Variants in NAV3 observed in about 807,000 individuals in gnomAD.
NAV3 encodes the protein neuron navigator 3, also known as pore membrane and/or filament interacting like protein 1.
Under a neutral mutation model 244.7 loss-of-function variants are expected in NAV3, and 87 were observed. The observed-to-expected ratio is 0.36, with a 90% CI of 0.30 to 0.42. NAV3 has a LOEUF of 0.42. NAV3 is among the 20% of genes least tolerant of loss of function. NAV3 has a pLI of 1.00. For synonymous variants in NAV3, 1,126 were observed against 1,042.2 expected, an observed-to-expected ratio of 1.08 and a Z score of -1.55; for missense variants, 2,663 against 2,893.3, an observed-to-expected ratio of 0.92 and a Z score of 1.83.
At position 78,050,886 on chromosome 12, in the gene NAV3, A is replaced by G. The variant is rs2137250491; in HGVS notation, c.2255A>G (p.Gln752Arg). ...WRLGQACPRLQAGDAPSLGAG... is the reference protein window; with the variant it reads ...WRLGQACPRLRAGDAPSLGAG... ...TTGGGCCAGGCATGTCCGCGACTTC[A>G]GGCGGGAGATGCTCCCTCCCTGGGT... The change falls in exon 11 of 40, where the codon CAG (glutamine) becomes CGG (arginine). Residue 752 changes from glutamine (Q) to arginine (R), a missense_variant. By Grantham distance (43) the Gln-to-Arg change is conservative (BLOSUM62 1). This residue lies in a region of NAV3 where 1,521 missense variants were observed against 1,497.0 expected (regional missense o/e 1.02). Coordinates refer to ENST00000397909, the MANE Select transcript of NAV3 (RefSeq NM_001024383.2). 1.2e-6 allele frequency: 2 copies of G among 1,614,132 alleles called. No individual in the cohort carries two copies. Among genetic ancestry groups the G allele is most frequent in the South Asian group, 1.1e-5 (1 of 91,066 alleles).
At chr12:77,618,503 C>A (rs936072626) in intron 2 of NAV3, among the ~76,000 whole-genome samples, 5 of 151,962 alleles carry the variant, frequency 3.3e-5, no homozygotes, top group African/African-American at 9.7e-5. Flanking sequence ...TTAGTTGATA[C>A]TATTGTTAGT....
Position 78,180,923 on chromosome 12 carries a change from G to A in NAV3, c.5570G>A (p.Gly1857Asp), listed in dbSNP as rs754266815. ...AENDRLKAET[G>D]NTAKPTRPPS... The stretch of plus-strand genomic sequence containing the variant: ...AATGACCGGTTGAAGGCAGAAACTG[G>A]TAACACAGCTAAGCCTACTCGGCCA... Residue 1857 changes from glycine to aspartate, a missense_variant, in exon 30 of 40, where the codon GGT becomes GAT. Around this residue, in one of 6 missense-constraint regions of NAV3, gnomAD observed 543 missense variants for 672.4 expected, o/e 0.81. Transcript: ENST00000397909. The A allele has an allele frequency of 6.2e-7, 1 of 1,612,964 alleles. No homozygotes were observed. The highest frequency in any genetic ancestry group is 8.5e-7 in the Non-Finnish European group (1 of 1,179,404).
intron 28 of NAV3, among the ~76,000 whole-genome samples, chr12:78,178,531 A>G (rs1958356336): frequency 6.6e-6 from 1 of 152,082 alleles, no homozygotes; most frequent in East Asian, 1.9e-4. Flanking sequence ...AAAATTGTGG[A>G]TAAACTATAA....
intron 1 of NAV3, among the ~76,000 whole-genome samples, chr12:77,919,943 G>T (rs1280623631): frequency 6.6e-6 from 1 of 151,980 alleles, no homozygotes; most frequent in African/African-American, 2.4e-5. Flanking sequence ...TTCTCCAGAA[G>T]ACTGAATTAT....
chr12:78,008,675 TGTAA>T (rs1186298395), intron 8 of NAV3, among the ~76,000 whole-genome samples: 1 of 145,796 alleles, frequency 6.9e-6, no homozygotes, highest in Non-Finnish European at 1.5e-5. Flanking sequence ...CAATGAGGAA[TGTAA>T]GTGCTTTTTT....
intron 2 of NAV3, among the ~76,000 whole-genome samples, chr12:77,807,739 G>T (rs1872058687): frequency 6.6e-6 from 1 of 152,114 alleles, no homozygotes; most frequent in Non-Finnish European, 1.5e-5. Context: ...GCTAGGTTGG[G>T]GAAGTTCTCC....
chr12:77,653,982 G>A (rs898114558), intron 2 of NAV3, among the ~76,000 whole-genome samples: 5 of 152,144 alleles, frequency 3.3e-5, no homozygotes, highest in African/African-American at 1.2e-4. Context: ...GAGCCAAGAT[G>A]GCCGGATAGG....
chr12:77,926,613 G>T (rs1888250047), intron 1 of NAV3, among the ~76,000 whole-genome samples: 1 of 152,158 alleles, frequency 6.6e-6, no homozygotes, highest in Non-Finnish European at 1.5e-5. Context: ...CTTGTAATTT[G>T]TGAACAGCAT....
At chr12:77,801,086 C>T (rs1205753118) in intron 2 of NAV3, among the ~76,000 whole-genome samples, 3 of 151,926 alleles carry the variant, frequency 2.0e-5, no homozygotes. Flanking sequence ...CCAGATAGAC[C>T]TCAGGTACAA....
At chr12:77,902,813 A>G (rs2136940602) in intron 1 of NAV3, among the ~76,000 whole-genome samples, 2 of 152,344 alleles carry the variant, frequency 1.3e-5, no homozygotes, top group South Asian at 4.1e-4. Context: ...TACAAAATCA[A>G]TGTGCAAAAA....
In NAV3 at chr12:77,755,769, T is replaced by G. The variant is rs141048511; in HGVS notation, c.72+183503T>G. On this transcript the variant is annotated intron_variant, in intron 2 of 8. Transcript: ENST00000550042. ...TCTTTTCTTCGTCAGGGTCTTGCCTTGTCACTCAGGGTGGAGTGCAGTGGC... is the reference window on the plus strand; with the variant it reads ...TCTTTTCTTCGTCAGGGTCTTGCCTGGTCACTCAGGGTGGAGTGCAGTGGC... 7.0e-3 allele frequency among the ~76,000 whole-genome samples: 1,067 copies of G among 151,426 alleles called. 8 individuals carry two copies. Among genetic ancestry groups the G allele is most frequent in the Middle Eastern group, 0.044 (13 of 294 alleles).
intron 2 of NAV3, among the ~76,000 whole-genome samples, chr12:77,671,752 A>C (rs1157414600): frequency 1.3e-5 from 2 of 152,144 alleles, no homozygotes; most frequent in Admixed American, 1.3e-4. Context: ...CTTATACAAA[A>C]ATTGACTCAA....
At chr12:78,013,751 T>C (rs1875704293) in intron 8 of NAV3, among the ~76,000 whole-genome samples, 1 of 152,112 alleles carries the variant, frequency 6.6e-6, no homozygotes, top group African/African-American at 2.4e-5. Flanking sequence ...CAGAGTAGGA[T>C]GAACCAGGTT....
At chr12:77,866,722 C>A (rs899790176) in intron 1 of NAV3, among the ~76,000 whole-genome samples, 19 of 152,048 alleles carry the variant, frequency 1.2e-4, no homozygotes, top group African/African-American at 4.6e-4. Flanking sequence ...GTATATTGTT[C>A]TTGTATAACT....
chr12:78,195,514 C>G (rs1459178453), intron 34 of NAV3, among the ~76,000 whole-genome samples: 1 of 152,012 alleles, frequency 6.6e-6, no homozygotes, highest in African/African-American at 2.4e-5. Flanking sequence ...TGCTCACCAG[C>G]TTCTCTGCTT....
chr12:78,185,732 C>T (rs1420031879), intron 31 of NAV3, 34 bp downstream of exon 31: 1 of 1,536,182 alleles, frequency 6.5e-7, no homozygotes, highest in Non-Finnish European at 9.0e-7. Context: ...TTATTACTAA[C>T]AATGAGAATT....
chr12:77,709,957 G>C (rs1384212367), intron 2 of NAV3, among the ~76,000 whole-genome samples: 1 of 152,128 alleles, frequency 6.6e-6, no homozygotes, highest in Non-Finnish European at 1.5e-5. Context: ...GAACCCAAAT[G>C]AGCTATTATG....
intron 2 of NAV3, among the ~76,000 whole-genome samples, chr12:77,750,430 G>C (rs534351897): frequency 6.6e-6 from 1 of 152,044 alleles, no homozygotes; most frequent in Non-Finnish European, 1.5e-5. Context: ...TGCTTGGAAG[G>C]CTGAGGTAGG....
At chr12:78,120,581 T>G (rs1955627081) in intron 15 of NAV3, among the ~76,000 whole-genome samples, 1 of 152,228 alleles carries the variant, frequency 6.6e-6, no homozygotes, top group African/African-American at 2.4e-5. Context: ...GACATGACTC[T>G]GGTAAGGATC....
Sources: gnomAD v4.1 joint callset for allele counts (sites outside exome capture counted in the v4.1 genomes callset) on GRCh38, gnomAD v4.1.1 for gene constraint, gnomAD v4.1.1 regional missense constraint, MANE v1.5 for transcripts, NCBI Gene and HGNC (gene_info 2026-07-23, HGNC 2026-07-21) for gene names.